DTX1: variants seen among roughly 807,000 people sequenced by gnomAD.
DTX1 encodes E3 ubiquitin-protein ligase DTX1.
In DTX1, 26 loss-of-function variants were observed where a neutral mutation model predicts 57.8. That is an observed-to-expected ratio of 0.45 (90% confidence interval 0.33 to 0.62). The LOEUF (loss-of-function observed/expected upper bound fraction) is 0.62. DTX1 is among the 20% of genes least tolerant of loss of function. DTX1 has a pLI of 0.02. For synonymous variants in DTX1, 398 were observed against 394.1 expected, an observed-to-expected ratio of 1.01 and a Z score of -0.12; for missense variants, 704 against 895.3, an observed-to-expected ratio of 0.79 and a Z score of 2.73.
In DTX1 at chr12:113,094,903, T is replaced by C. The variant is rs1365288240; in HGVS notation, c.1342T>C (p.Tyr448His). 6.2e-7 allele frequency: 1 copy of C among 1,613,742 alleles called. No individual in the cohort carries two copies. Among genetic ancestry groups the C allele is most frequent in the Non-Finnish European group, 8.5e-7 (1 of 1,179,996 alleles). ...CCGCCTGGGCCGCTGTGGCCACATG[T>C]ACCACCTGCTGTGCCTCGTGGCCAT... ...VGRLGRCGHM[Y>H]HLLCLVAMYS... Residue 448 changes from tyrosine (Y) to histidine (H), a missense_variant, in exon 7 of 10, where the codon TAC becomes CAC. By Grantham distance (83) the Tyr-to-His change is moderately conservative. Around this residue, in one of 3 missense-constraint regions of DTX1, gnomAD observed 168 missense variants for 255.6 expected, o/e 0.66. Coordinates refer to ENST00000548759, the MANE Select transcript of DTX1 (RefSeq NM_004416.3).
chr12:113,066,192 G>A (rs1184084714), intron 2 of DTX1, among the ~76,000 whole-genome samples: 1 of 152,168 alleles, frequency 6.6e-6, no homozygotes, highest in Non-Finnish European at 1.5e-5. Flanking sequence ...CTGTTGGTGA[G>A]GGCCAGGCTC....
At chr12:113,069,280 C>T (rs138057258) in intron 2 of DTX1, among the ~76,000 whole-genome samples, 1,727 of 152,172 alleles carry the variant, frequency 0.011, 25 homozygotes, top group Middle Eastern at 0.031. Flanking sequence ...GGATCTGAAT[C>T]CCCTGCTGGG....
At chr12:113,090,834 G>T (rs1950242195) in intron 3 of DTX1, among the ~76,000 whole-genome samples, 1 of 152,228 alleles carries the variant, frequency 6.6e-6, no homozygotes, top group Non-Finnish European at 1.5e-5. Context: ...GCAGGTGTGG[G>T]CCTCCCAGGC....
At chr12:113,089,089 G>A (rs1302083320) in intron 3 of DTX1, among the ~76,000 whole-genome samples, 2 of 152,212 alleles carry the variant, frequency 1.3e-5, no homozygotes, top group African/African-American at 4.8e-5. Context: ...CCTGTGCTAA[G>A]TGAGGGAGTG....
chr12:113,097,075 T>C lies in DTX1; in HGVS notation c.*136T>C. On this transcript the variant is annotated 3_prime_UTR_variant, in exon 10 of 10. Coordinates refer to ENST00000548759, the MANE Select transcript of DTX1 (RefSeq NM_004416.3). ...AGGGGCCGCAGCCATTCAGGGGACC[T>C]GCCTGGTGGCAGCTGGGATGAAGAG... The C allele has an allele frequency of 1.0e-6, 1 of 964,426 alleles. No homozygotes were observed. The highest frequency in any genetic ancestry group is 1.7e-5 in the South Asian group (1 of 57,668). The allele number at this position is 964,426 out of a possible 1,614,324, so 59.7% of individuals were successfully genotyped here. A position where few individuals can be genotyped will look rare whatever the true frequency, so the allele number is the denominator to read the frequency against.
chr12:113,080,719 T>C (rs2044810240), intron 3 of DTX1, among the ~76,000 whole-genome samples: 2 of 152,192 alleles, frequency 1.3e-5, no homozygotes, highest in African/African-American at 2.4e-5. Context: ...CTCATGCCTG[T>C]AATCCCAGCA....
At chr12:113,092,349 T>C (rs189862336) in intron 3 of DTX1, among the ~76,000 whole-genome samples, 1 of 150,142 alleles carries the variant, frequency 6.7e-6, no homozygotes, top group African/African-American at 2.5e-5. Context: ...AGGTACCATA[T>C]TGTCCCCATT....
chr12:113,077,344 T>G lies in DTX1; in HGVS notation c.260-80T>G. 65 of 751,622 alleles carry G rather than the reference T, an allele frequency of 8.6e-5. No homozygotes were observed. Among genetic ancestry groups the G allele is most frequent in the Non-Finnish European group, 9.1e-5 (46 of 506,392 alleles). 46.6% of individuals were successfully genotyped at this position (751,622 alleles called of 1,614,324 possible). On this transcript the variant is annotated intron_variant, in intron 2 of 9. Transcript: ENST00000548759. The surrounding 1 kb of genome is among the most constrained non-coding windows in gnomAD (Gnocchi z 7.8). ...TGACCCCCCAACCTCCCGCCCACCC[T>G]TGCCTGGCTGTGGCCCGCCCTTCCA...
intron 2 of DTX1, among the ~76,000 whole-genome samples, chr12:113,059,755 C>T (rs564595390): frequency 1.5e-4 from 23 of 152,320 alleles, no homozygotes; most frequent in South Asian, 2.1e-4. Flanking sequence ...GTAGGATGCT[C>T]GCTTTCCCTC....
rs368869708 is a variant in DTX1, at chr12:113,094,849, C to T, written c.1288C>T (p.His430Tyr). Residue 430 changes from histidine (H) to tyrosine (Y), a missense_variant, in exon 7 of 10, where the codon CAC (histidine) becomes TAC (tyrosine). Transcript: ENST00000548759. ...TASGYEGVLR[H>Y]KGVRPELVGR... ...ATCAGGCTACGAGGGCGTGCTTCGG[C>T]ACAAGGGCGTGCGGCCTGAGCTCGT... 2 of 1,613,714 alleles carry T rather than the reference C, an allele frequency of 1.2e-6. No individual in the cohort carries two copies. Among genetic ancestry groups the T allele is most frequent in the African/African-American group, 2.7e-5 (2 of 74,950 alleles).
chr12:113,074,727 A>G (rs928382456), intron 2 of DTX1, among the ~76,000 whole-genome samples: 3 of 152,146 alleles, frequency 2.0e-5, no homozygotes, highest in African/African-American at 7.2e-5. Flanking sequence ...CAGGCAGGAG[A>G]GATAACATGG....
intron 8 of DTX1, 46 bp from the exon 9 acceptor site, chr12:113,095,279 C>T: frequency 6.2e-7 from 1 of 1,612,574 alleles, no homozygotes; most frequent in Non-Finnish European, 8.5e-7. Context: ...TCCACCCTGC[C>T]ACCACCTGTT....
In DTX1 at chr12:113,057,411, C is replaced by T. The variant is rs532561498; in HGVS notation, c.-744-38C>T. On this transcript the variant is annotated intron_variant, in intron 1 of 9. Transcript: ENST00000548759. ...AAGGGGGGAGGGGGTGCTGCGCTCT[C>T]CTCTTAAAGGGCCCTCTCCCCTCTT... 3.3e-3 allele frequency: 500 copies of T among 152,514 alleles called. 6 individuals carry two copies. The highest frequency in any genetic ancestry group is 0.025 in the Admixed American group (376 of 15,314). The allele number at this position is 152,514 out of a possible 1,614,324, so 9.4% of individuals were successfully genotyped here.
intron 2 of DTX1, among the ~76,000 whole-genome samples, chr12:113,068,138 CCT>C (rs2044716456): frequency 6.6e-6 from 1 of 152,210 alleles, no homozygotes; most frequent in Non-Finnish European, 1.5e-5. Flanking sequence ...CAGTCTCCAG[CCT>C]AGTCATGAGC....
chr12:113,056,877 G>A lies in DTX1; in HGVS notation c.-812G>A, dbSNP rs2044627023. ...CGGGACCGCGGCTCCCTCCCACTCC[G>A]GGGGGAGCCCAGGAGGCGGCGGTGC... is the stretch of plus-strand genomic sequence containing the variant. On this transcript the variant is annotated 5_prime_UTR_variant, in exon 1 of 10. Coordinates refer to ENST00000548759, the MANE Select transcript of DTX1 (RefSeq NM_004416.3). 1.3e-5 allele frequency: 2 copies of A among 152,650 alleles called. No individual in the cohort carries two copies. Among genetic ancestry groups the A allele is most frequent in the South Asian group, 2.1e-4 (1 of 4,842 alleles). The allele number at this position is 152,650 out of a possible 1,614,324, so 9.5% of individuals were successfully genotyped here. A position where few individuals can be genotyped will look rare whatever the true frequency, so the allele number is the denominator to read the frequency against.
At chr12:113,078,177 C>T in intron 3 of DTX1, 72 bp downstream of exon 3, 3 of 1,150,994 alleles carry the variant, frequency 2.6e-6, no homozygotes, top group Non-Finnish European at 3.3e-6. Flanking sequence ...GGGTGGTTGG[C>T]CACTAGGGCA....
intron 2 of DTX1, among the ~76,000 whole-genome samples, chr12:113,076,819 G>C (rs753523425): frequency 6.6e-6 from 1 of 152,188 alleles, no homozygotes; most frequent in Non-Finnish European, 1.5e-5. Flanking sequence ...ATTGATGAAT[G>C]AATCATTGAA....
intron 3 of DTX1, among the ~76,000 whole-genome samples, chr12:113,078,749 A>G (rs2044794499): frequency 1.3e-5 from 2 of 152,128 alleles, no homozygotes; most frequent in South Asian, 4.1e-4. Context: ...GTCCCAGTCC[A>G]TGCCCACCTC....
intron 2 of DTX1, among the ~76,000 whole-genome samples, chr12:113,061,379 G>A (rs1330248128): frequency 2.0e-5 from 3 of 152,222 alleles, no homozygotes; most frequent in African/African-American, 7.2e-5. Flanking sequence ...CCAGATATGT[G>A]AGGGTTTTTC....
Sources: gnomAD v4.1 joint callset for allele counts (sites outside exome capture counted in the v4.1 genomes callset) on GRCh38, gnomAD v4.1.1 for gene constraint, gnomAD v4.1.1 regional missense constraint, Gnocchi (gnomAD v3.1) non-coding constraint, MANE v1.5 for transcripts, NCBI Gene and HGNC (gene_info 2026-07-23, HGNC 2026-07-21) for gene names.